The following LMBR1 variants were observed in gnomAD, a reference collection of about 807,000 sequenced individuals.
LMBR1 encodes the protein limb region 1 protein homolog.
In LMBR1, 52 loss-of-function variants were observed where a neutral mutation model predicts 73.9. The observed-to-expected ratio is 0.70, with a 90% CI of 0.56 to 0.89. LMBR1 has a LOEUF of 0.89. Among genes scored for constraint, LMBR1 ranks in the 40% least tolerant of loss-of-function variants. The pLI is 0.00. For synonymous variants in LMBR1, 215 were observed against 209.4 expected, an observed-to-expected ratio of 1.03 and a Z score of -0.23; for missense variants, 539 against 579.8, an observed-to-expected ratio of 0.93 and a Z score of 0.72.
At chr7:156,720,334 A>G (rs903284028) in intron 15 of LMBR1, among the ~76,000 whole-genome samples, 1 of 152,248 alleles carries the variant, frequency 6.6e-6, no homozygotes, top group African/African-American at 2.4e-5. Flanking sequence ...CATGAAAATT[A>G]TAATAAAGTA....
At chr7:156,772,472 G>A (rs1018707925) in intron 5 of LMBR1, among the ~76,000 whole-genome samples, 5 of 152,132 alleles carry the variant, frequency 3.3e-5, no homozygotes, top group East Asian at 1.9e-4. Flanking sequence ...CTTGAGAACC[G>A]TAACAAGACA....
intron 4 of LMBR1, among the ~76,000 whole-genome samples, chr7:156,822,050 T>G (rs1318824502): frequency 6.6e-6 from 1 of 152,266 alleles, no homozygotes; most frequent in Non-Finnish European, 1.5e-5. Flanking sequence ...AGCATTGTAA[T>G]GTCCCATATT....
intron 9 of LMBR1, among the ~76,000 whole-genome samples, chr7:156,755,109 G>A (rs1821606207): frequency 6.6e-6 from 1 of 152,144 alleles, no homozygotes; most frequent in Non-Finnish European, 1.5e-5. Flanking sequence ...ATCCTCTCCA[G>A]GTCCAATCCA....
intron 1 of LMBR1, among the ~76,000 whole-genome samples, chr7:156,868,852 G>A (rs1376479721): frequency 6.6e-6 from 1 of 152,084 alleles, no homozygotes; most frequent in Non-Finnish European, 1.5e-5. Flanking sequence ...TGTAGTCTCA[G>A]CTACTTGAGA....
intron 1 of LMBR1, among the ~76,000 whole-genome samples, chr7:156,875,193 G>T (rs1382329028): frequency 6.6e-6 from 1 of 152,086 alleles, no homozygotes; most frequent in Non-Finnish European, 1.5e-5. Context: ...ATAAGCAGAA[G>T]AAAGAACTTC....
chr7:156,742,631 A>G (rs931735108), intron 9 of LMBR1, among the ~76,000 whole-genome samples: 1 of 152,160 alleles, frequency 6.6e-6, no homozygotes, highest in Non-Finnish European at 1.5e-5. Flanking sequence ...AAGTTTCCCA[A>G]TAAAGAAAAC....
At chr7:156,776,790 C>T (rs765260373) in intron 5 of LMBR1, among the ~76,000 whole-genome samples, 3 of 152,144 alleles carry the variant, frequency 2.0e-5, no homozygotes, top group Non-Finnish European at 4.4e-5. Context: ...GCGCCTACTC[C>T]TTGATTCCCA....
At chr7:156,732,591 T>C (rs941334037) in intron 10 of LMBR1, among the ~76,000 whole-genome samples, 1 of 151,962 alleles carries the variant, frequency 6.6e-6, no homozygotes. Context: ...CACCCCAAAA[T>C]ATGAAAAGAA....
downstream of LMBR1, among the ~76,000 whole-genome samples, chr7:156,673,170 C>G (rs1802971352): frequency 6.6e-6 from 1 of 152,226 alleles, no homozygotes; most frequent in Admixed American, 6.5e-5. Context: ...ACATACCTCA[C>G]AAGTTGAAAC....
chr7:156,739,527 G>A (rs755771105), intron 9 of LMBR1, among the ~76,000 whole-genome samples: 7 of 152,162 alleles, frequency 4.6e-5, no homozygotes, highest in African/African-American at 7.2e-5. Context: ...CTCACCCAGC[G>A]TAGTCCCAGT....
At chr7:156,759,066 G>A (rs559584575) in intron 8 of LMBR1, among the ~76,000 whole-genome samples, 22 of 152,316 alleles carry the variant, frequency 1.4e-4, no homozygotes, top group Admixed American at 3.3e-4. Flanking sequence ...ATATTCTAGT[G>A]TAGCAGAAGA....
intron 1 of LMBR1, among the ~76,000 whole-genome samples, chr7:156,886,359 G>A (rs1801903472): frequency 6.6e-6 from 1 of 152,212 alleles, no homozygotes; most frequent in African/African-American, 2.4e-5. Flanking sequence ...CAAAGTGGGG[G>A]AGGTCATGCA....
At chr7:156,873,151 C>A (rs77699436) in intron 1 of LMBR1, among the ~76,000 whole-genome samples, 1 of 152,066 alleles carries the variant, frequency 6.6e-6, no homozygotes, top group Non-Finnish European at 1.5e-5. Context: ...CTTAAGGTGG[C>A]GCGTCTGGAG....
chr7:156,805,606 G>A (rs554731568), intron 4 of LMBR1, among the ~76,000 whole-genome samples: 10 of 152,270 alleles, frequency 6.6e-5, no homozygotes, highest in African/African-American at 2.4e-4. Flanking sequence ...AAGTTGTTTA[G>A]GCTATTCTAA....
chr7:156,858,281 A>C (rs1797255212), intron 1 of LMBR1, among the ~76,000 whole-genome samples: 1 of 152,106 alleles, frequency 6.6e-6, no homozygotes, highest in African/African-American at 2.4e-5. Context: ...CAGACACCAA[A>C]AAAAAATTAC....
chr7:156,846,650 A>G (rs1275555762), intron 1 of LMBR1, among the ~76,000 whole-genome samples: 1 of 152,194 alleles, frequency 6.6e-6, no homozygotes, highest in Non-Finnish European at 1.5e-5. Context: ...TTACAATTAC[A>G]ATCCCAGCAA....
At chr7:156,819,365 C>A (rs200575744) in intron 4 of LMBR1, among the ~76,000 whole-genome samples, 2 of 152,264 alleles carry the variant, frequency 1.3e-5, no homozygotes, top group South Asian at 4.1e-4. Flanking sequence ...ATTAAAGGCA[C>A]AATCAAAAAC....
At chr7:156,756,299 T>G (rs865829399) in intron 9 of LMBR1, 94 bp downstream of exon 9, 3 of 683,022 alleles carry the variant, frequency 4.4e-6, no homozygotes, top group Non-Finnish European at 7.8e-6. Context: ...AGCACAAGAT[T>G]CAGAGAGGTT....
chr7:156,775,337 C>T (rs1825934439), intron 5 of LMBR1, among the ~76,000 whole-genome samples: 1 of 152,114 alleles, frequency 6.6e-6, no homozygotes, highest in South Asian at 2.1e-4. Context: ...CACTGCAATC[C>T]AGCCTGGGCG....
Sources: allele counts gnomAD v4.1 joint callset (sites outside exome capture counted in the v4.1 genomes callset), GRCh38; gene constraint gnomAD v4.1.1; transcripts MANE v1.5; gene names NCBI Gene and HGNC (gene_info 2026-07-23, HGNC 2026-07-21).